TANC1: variants seen among roughly 807,000 people sequenced by gnomAD.
TANC1 encodes tetratricopeptide repeat, ankyrin repeat and coiled-coil containing 1.
A neutral mutation model predicts 149.7 loss-of-function variants in TANC1; 77 were observed. That is an observed-to-expected ratio of 0.51 (90% confidence interval 0.43 to 0.62). The LOEUF is 0.62. TANC1 is among the 20% of genes least tolerant of loss of function. TANC1 has a pLI of 0.00. For missense variants in TANC1, 1,985 were observed against 2,321.8 expected (o/e 0.85, Z 2.98); for synonymous variants, 854 against 925.0 (o/e 0.92, Z 1.39).
intron 14 of TANC1, among the ~76,000 whole-genome samples, chr2:159,180,967 T>C (rs1252552599): frequency 1.3e-5 from 2 of 152,110 alleles, no homozygotes; most frequent in Non-Finnish European, 2.9e-5. Context: ...TTTTAAAACA[T>C]GGTGATGGTG....
intron 16 of TANC1, among the ~76,000 whole-genome samples, chr2:159,191,533 G>A (rs2057443671): frequency 6.6e-6 from 1 of 152,110 alleles, no homozygotes; most frequent in Admixed American, 6.5e-5. Context: ...CACGTGTTGG[G>A]TCCAAGGTGG....
intron 3 of TANC1, among the ~76,000 whole-genome samples, chr2:159,093,764 C>T (rs141004420): frequency 9.6e-4 from 146 of 151,788 alleles, no homozygotes; most frequent in South Asian, 2.1e-3. Context: ...TCTTAAGCCT[C>T]GTTTTATTGC....
At chr2:159,229,544 G>A (rs1391368872) in intron 26 of TANC1, 34 bp from the exon 27 acceptor site, 2 of 1,497,710 alleles carry the variant, frequency 1.3e-6, no homozygotes, top group African/African-American at 2.8e-5. Flanking sequence ...GTTCGTGTGT[G>A]GTTTGTAATG....
At chr2:159,015,666 G>A (rs2038200744) in intron 2 of TANC1, among the ~76,000 whole-genome samples, 1 of 152,144 alleles carries the variant, frequency 6.6e-6, no homozygotes, top group South Asian at 2.1e-4. Flanking sequence ...GTAACCTTTT[G>A]AATGCTTTGC....
chr2:159,189,067 C>T (rs950977046), intron 16 of TANC1, among the ~76,000 whole-genome samples: 4 of 152,216 alleles, frequency 2.6e-5, no homozygotes, highest in Non-Finnish European at 5.9e-5. Context: ...GGCTTTCTCA[C>T]CTATAAAGTG....
At chr2:159,005,294 T>A (rs2037049545) in intron 2 of TANC1, among the ~76,000 whole-genome samples, 1 of 152,126 alleles carries the variant, frequency 6.6e-6, no homozygotes, top group African/African-American at 2.4e-5. Context: ...TAGAGGAGGC[T>A]TGAATAAAAC....
At chr2:159,010,691 A>G (rs2037669525) in intron 2 of TANC1, among the ~76,000 whole-genome samples, 1 of 151,798 alleles carries the variant, frequency 6.6e-6, no homozygotes, top group Non-Finnish European at 1.5e-5. Context: ...GACTACATTC[A>G]GAACTATGTG....
chr2:159,188,102 G>A (rs1017497855), intron 16 of TANC1, among the ~76,000 whole-genome samples: 13 of 152,112 alleles, frequency 8.5e-5, no homozygotes, highest in Admixed American at 3.9e-4. Flanking sequence ...CACCATCTCC[G>A]AAATTATTTC....
chr2:159,002,626 G>A (rs11674095), intron 2 of TANC1, among the ~76,000 whole-genome samples: 8,389 of 152,230 alleles, frequency 0.055, 319 homozygotes, highest in Non-Finnish European at 0.084. Context: ...TGCAGATGTG[G>A]GTTTGTCTCA....
chr2:159,013,721 G>C (rs1184726013), intron 2 of TANC1, among the ~76,000 whole-genome samples: 1 of 152,200 alleles, frequency 6.6e-6, no homozygotes, highest in East Asian at 1.9e-4. Flanking sequence ...GGACTGGGTT[G>C]TGTTGTCTGA....
chr2:159,075,673 G>T (rs944813083), intron 3 of TANC1, among the ~76,000 whole-genome samples: 2 of 151,676 alleles, frequency 1.3e-5, no homozygotes, highest in Non-Finnish European at 2.9e-5. Flanking sequence ...TAAATACAAT[G>T]TCATTTTTTT....
At chr2:159,024,791 T>A (rs1358199065) in intron 2 of TANC1, among the ~76,000 whole-genome samples, 1 of 152,166 alleles carries the variant, frequency 6.6e-6, no homozygotes, top group African/African-American at 2.4e-5. Flanking sequence ...TTAGATTATA[T>A]TTTTACTGTG....
intron 4 of TANC1, among the ~76,000 whole-genome samples, chr2:159,129,981 A>G (rs2049907600): frequency 6.6e-6 from 1 of 152,012 alleles, no homozygotes; most frequent in African/African-American, 2.4e-5. Context: ...ATCAGAATCT[A>G]CATTTGAAGC....
At chr2:159,030,157 G>A (rs1194586063) in intron 2 of TANC1, among the ~76,000 whole-genome samples, 1 of 151,728 alleles carries the variant, frequency 6.6e-6, no homozygotes, top group African/African-American at 2.4e-5. Context: ...TTCCTTCCCG[G>A]GGTGAAAAAA....
At chr2:159,178,400 C>CT (rs2056108965) in intron 13 of TANC1, among the ~76,000 whole-genome samples, 156 bp from the exon 14 acceptor site, 1 of 152,210 alleles carries the variant, frequency 6.6e-6, no homozygotes, top group Non-Finnish European at 1.5e-5. Flanking sequence ...TTATCTTCAC[C>CT]TTATCCTATT....
chr2:159,039,866 TC>T (rs2040491241), intron 2 of TANC1, among the ~76,000 whole-genome samples: 1 of 152,218 alleles, frequency 6.6e-6, no homozygotes, highest in East Asian at 1.9e-4. Flanking sequence ...GTCTATTAGG[TC>T]CACTTGGTGC....
In TANC1 at chr2:159,230,163, C is replaced by A; in HGVS notation, c.4737C>A (p.Thr1579=). The change falls in exon 27 of 27, where the codon ACC becomes ACA. Residue 1579 remains threonine, a synonymous_variant. Transcript: ENST00000263635. The surrounding 1 kb of genome is among the most constrained non-coding windows in gnomAD (Gnocchi z 4.4). Reference sequence around the variant, plus strand: ...CTGCCACTCCTGCTGGGAGCAGAACCCAGCATTTAGAGGGAACAGGTACTT... The same window carrying A: ...CTGCCACTCCTGCTGGGAGCAGAACACAGCATTTAGAGGGAACAGGTACTT... The part of the protein sequence containing the change: ...RIAATPAGSR[T]QHLEGTGTFT... The A allele has an allele frequency of 6.2e-7, 1 of 1,614,106 alleles. No individual in the cohort carries two copies. The highest frequency in any genetic ancestry group is 8.5e-7 in the Non-Finnish European group (1 of 1,180,034).
intron 5 of TANC1, among the ~76,000 whole-genome samples, chr2:159,142,404 C>T (rs979352075): frequency 2.6e-4 from 39 of 152,358 alleles, no homozygotes; most frequent in African/African-American, 8.9e-4. Context: ...AAGGCACTGG[C>T]TACACTGGTA....
At chr2:159,135,055 T>C (rs988834910) in intron 4 of TANC1, among the ~76,000 whole-genome samples, 1 of 152,178 alleles carries the variant, frequency 6.6e-6, no homozygotes, top group Non-Finnish European at 1.5e-5. Flanking sequence ...TTTAGAACAT[T>C]TGGTCACTCT....
Sources: allele counts gnomAD v4.1 joint callset (sites outside exome capture counted in the v4.1 genomes callset), GRCh38; gene constraint gnomAD v4.1.1; non-coding constraint Gnocchi (gnomAD v3.1); transcripts MANE v1.5; gene names NCBI Gene and HGNC (gene_info 2026-07-23, HGNC 2026-07-21).